The following PPM1F variants were observed in gnomAD, a reference collection of about 807,000 sequenced individuals.
PPM1F encodes the protein protein phosphatase 1F.
In PPM1F, 17 loss-of-function variants were observed where a neutral mutation model predicts 35.5. That is an observed-to-expected ratio of 0.48 (90% CI 0.33 to 0.72). The LOEUF (loss-of-function observed/expected upper bound fraction) is 0.72. PPM1F is among the 30% of genes least tolerant of loss of function. The pLI is 0.02. For missense variants in PPM1F, 521 were observed against 613.0 expected (o/e 0.85, Z 1.59); for synonymous variants, 241 against 255.5 (o/e 0.94, Z 0.54).
intron 3 of PPM1F, chr22:21,937,747 T>C (rs1452788866): frequency 5.7e-6 from 1 of 174,540 alleles, no homozygotes; most frequent in Non-Finnish European, 1.3e-5. Context: ...GCTACTGCTA[T>C]TTCCAACAGC....
chr22:21,933,469 C>A lies in PPM1F; in HGVS notation c.669G>T (p.Leu223=), dbSNP rs1204758468. 6.2e-7 allele frequency: 1 copy of A among 1,613,500 alleles called. No homozygotes were observed. The highest frequency in any genetic ancestry group is 8.5e-7 in the Non-Finnish European group (1 of 1,180,022). The change falls in exon 5 of 8, where the codon CTG becomes CTT. Residue 223 remains leucine (L), a synonymous_variant. Transcript: ENST00000263212. The part of the protein sequence containing the change: ...VHTNAARQPE[L]PTDPEGALRE... ...TGAGGGCTCCCTCAGGGTCTGTGGG[C>A]AGCTCTGGCTGGCGGGCAGCGTTGG...
Position 21,939,776 on chromosome 22 carries a change from C to T in PPM1F, c.207-96G>A, listed in dbSNP as rs192582588. The T allele has an allele frequency of 1.4e-4, 203 of 1,436,546 alleles. No homozygotes were observed. The African/African-American group carries it at 2.2e-3, about 16-fold the overall frequency. 89.0% of individuals were successfully genotyped at this position (1,436,546 alleles called of 1,614,324 possible). Reference sequence around the variant, plus strand: ...TGTCAGCCCACATGCTGAGGGGTCACGGCCAGCAGGGCGGCCCCTGTCCTC... The same window carrying T: ...TGTCAGCCCACATGCTGAGGGGTCATGGCCAGCAGGGCGGCCCCTGTCCTC... On this transcript the variant is annotated intron_variant, in intron 2 of 7. Coordinates refer to ENST00000263212, the MANE Select transcript of PPM1F (RefSeq NM_014634.4). This position sits in a 1 kb window ranked among gnomAD's most constrained non-coding sequence, Gnocchi z 5.1.
chr22:21,943,304 G>A (rs2070744562), intron 2 of PPM1F: 1 of 152,176 alleles, frequency 6.6e-6, no homozygotes, highest in Non-Finnish European at 1.5e-5. Flanking sequence ...CAACGTGTGA[G>A]GCTCAGACCC....
chr22:21,931,091 G>A, intron 6 of PPM1F, 57 bp downstream of exon 6: 1 of 1,600,426 alleles, frequency 6.2e-7, no homozygotes, highest in Non-Finnish European at 8.5e-7. Context: ...TTCCCCTATG[G>A]GCCCAGCATG....
Position 21,923,037 on chromosome 22 carries a change from G to A in PPM1F, c.*55C>T, listed in dbSNP as rs770479194. ...CCACCTGTTGGGTCCTGAGGCTTCT[G>A]AGGGAGAGAAGGACAAGGATGGGAG... On this transcript the variant is annotated 3_prime_UTR_variant, in exon 8 of 8. Coordinates refer to ENST00000263212, the MANE Select transcript of PPM1F (RefSeq NM_014634.4). 5.2e-6 allele frequency: 8 copies of A among 1,538,778 alleles called. No individual in the cohort carries two copies. Among genetic ancestry groups the A allele is most frequent in the Non-Finnish European group, 7.0e-6 (8 of 1,145,302 alleles).
At chr22:21,931,073 G>T in intron 6 of PPM1F, 75 bp downstream of exon 6, 1 of 1,576,912 alleles carries the variant, frequency 6.3e-7, no homozygotes, top group South Asian at 1.2e-5. Flanking sequence ...TTCCCAGGCT[G>T]GGTGGGGTTC....
intron 2 of PPM1F, chr22:21,943,427 A>G (rs1017570869): frequency 2.6e-5 from 4 of 152,180 alleles, no homozygotes; most frequent in African/African-American, 9.7e-5. Context: ...ACATATAACA[A>G]CTTCAAATAC....
intron 3 of PPM1F, chr22:21,935,524 T>C (rs1260607637): frequency 6.6e-6 from 1 of 152,194 alleles, no homozygotes; most frequent in African/African-American, 2.4e-5. Context: ...TTTGTATTAT[T>C]TATTACAACT....
intron 1 of PPM1F, chr22:21,947,301 C>G (rs12152140): frequency 0.11 from 16,059 of 152,724 alleles, 916 homozygotes; most frequent in Middle Eastern, 0.13. Flanking sequence ...TCCCTGCCAG[C>G]ACCCACTCAG....
Position 21,933,427 on chromosome 22 carries a change from G to A in PPM1F, c.711C>T (p.Arg237=). ...PEGALREAFR[R]TDQMFLRKAK... The stretch of plus-strand genomic sequence containing the variant: ...CTTTCCTGAGAAACATCTGGTCGGT[G>A]CGCCGGAAGGCTTCTCTGAGGGCTC... Residue 237 remains arginine, a synonymous_variant, in exon 5 of 8, where the codon CGC becomes CGT. Coordinates refer to ENST00000263212, the MANE Select transcript of PPM1F (RefSeq NM_014634.4). The A allele has an allele frequency of 6.2e-7, 1 of 1,612,452 alleles. No individual in the cohort carries two copies.
At chr22:21,946,140 G>T in intron 1 of PPM1F, 32 bp from the exon 2 acceptor site, 1 of 1,113,180 alleles carries the variant, frequency 9.0e-7, no homozygotes, top group South Asian at 1.7e-5. Flanking sequence ...AGCAGAATCA[G>T]GGGGCCATGG....
In PPM1F at chr22:21,934,181, C is replaced by T; in HGVS notation, c.401G>A (p.Trp134Ter). The change falls in exon 4 of 8, where the codon TGG (tryptophan) becomes TAG (stop). Residue 134 changes from tryptophan (W) to a stop codon, truncating the protein, a stop_gained. Transcript: ENST00000263212. LOFTEE classifies it high-confidence loss of function. ...CTTCTGCCACTGGCCGGCGACTTCCCAAAGGCGGTTAAAGAAACTCTGTGC... is the reference window on the plus strand; with the variant it reads ...CTTCTGCCACTGGCCGGCGACTTCCTAAAGGCGGTTAAAGAAACTCTGTGC... ...SLAQSFFNRL[W>*]EVAGQWQKQV... 6.3e-7 allele frequency: 1 copy of T among 1,579,258 alleles called. No homozygotes were observed. Among genetic ancestry groups the T allele is most frequent in the Non-Finnish European group, 8.6e-7 (1 of 1,162,412 alleles).
intron 1 of PPM1F, chr22:21,951,349 CT>C (rs56062012): frequency 0.1 from 10,202 of 99,326 alleles, 373 homozygotes; most frequent in African/African-American, 0.12. Context: ...AGATGGTATC[CT>C]TTTTTTTTTT....
chr22:21,925,731 T>C, intron 6 of PPM1F, 69 bp from the exon 7 acceptor site: 1 of 1,279,560 alleles, frequency 7.8e-7, no homozygotes, highest in South Asian at 1.5e-5. Flanking sequence ...TGCTGCTACC[T>C]GAGCAGAGGC....
intron 2 of PPM1F, chr22:21,944,583 T>A (rs1160216400): frequency 6.6e-6 from 1 of 152,022 alleles, no homozygotes; most frequent in African/African-American, 2.4e-5. Flanking sequence ...CATGCGCACA[T>A]CCCCTCAGCA....
At chr22:21,932,977 G>A (rs1400533654) in intron 5 of PPM1F, among the ~76,000 whole-genome samples, 3 of 152,138 alleles carry the variant, frequency 2.0e-5, no homozygotes, top group African/African-American at 7.2e-5. Context: ...TCTGCGCCCC[G>A]ACTACCTCAG....
chr22:21,923,358 G>T lies in PPM1F; in HGVS notation c.1099C>A (p.Pro367Thr). Reference sequence around the variant, plus strand: ...ACCAGGCCAACAACTTCCTGGTGGGGTACGACGTCAAAGAAGCCATCACAG... The same window carrying T: ...ACCAGGCCAACAACTTCCTGGTGGGTTACGACGTCAAAGAAGCCATCACAG... ...LACDGFFDVV[P>T]HQEVVGLVQS... Residue 367 changes from proline to threonine, a missense_variant, in exon 8 of 8, where the codon CCC becomes ACC. Around this residue, in one of 3 missense-constraint regions of PPM1F, gnomAD observed 163 missense variants for 169.6 expected, o/e 0.96. Transcript: ENST00000263212. 6.8e-6 allele frequency: 11 copies of T among 1,613,808 alleles called. No individual in the cohort carries two copies. The highest frequency in any genetic ancestry group is 9.3e-6 in the Non-Finnish European group (11 of 1,179,978).
At chr22:21,930,870 T>G (rs1216745545) in intron 6 of PPM1F, among the ~76,000 whole-genome samples, 1 of 152,176 alleles carries the variant, frequency 6.6e-6, no homozygotes, top group African/African-American at 2.4e-5. Context: ...TGGGCTCTGG[T>G]CTGCACTGGG....
intron 3 of PPM1F, chr22:21,938,934 T>G (rs1380325071): frequency 6.5e-6 from 1 of 154,954 alleles, no homozygotes; most frequent in Non-Finnish European, 1.4e-5. Flanking sequence ...ACACCATGCT[T>G]ATGGCTGTCC....
Sources: allele counts gnomAD v4.1 joint callset (sites outside exome capture counted in the v4.1 genomes callset), GRCh38; gene constraint gnomAD v4.1.1; regional missense constraint gnomAD v4.1.1; non-coding constraint Gnocchi (gnomAD v3.1); transcripts MANE v1.5; gene names NCBI Gene and HGNC (gene_info 2026-07-23, HGNC 2026-07-21).